TTC7B: variants seen among roughly 807,000 people sequenced by gnomAD.
TTC7B encodes tetratricopeptide repeat domain 7B.
TTC7B carries 28 observed loss-of-function variants against 106.8 expected under a neutral mutation model. The observed-to-expected ratio is 0.26, with a 90% CI of 0.19 to 0.36. The LOEUF (loss-of-function observed/expected upper bound fraction) is 0.36. Among genes scored for constraint, TTC7B ranks in the 10% least tolerant of loss-of-function variants. The probability of loss-of-function intolerance (pLI) is 1.00; values close to 1 mark genes in which losing one functional copy is unlikely to be tolerated. For missense variants in TTC7B, 862 were observed against 1,076.4 expected, an observed-to-expected ratio of 0.80 and a Z score of 2.79; for synonymous variants, 405 against 430.6, an observed-to-expected ratio of 0.94 and a Z score of 0.74.
intron 19 of TTC7B, among the ~76,000 whole-genome samples, chr14:90,558,794 G>T (rs887533233): frequency 1.4e-4 from 21 of 152,192 alleles, no homozygotes; most frequent in African/African-American, 5.1e-4. Flanking sequence ...GAAACGGGCG[G>T]CTTGCCAGAA....
intron 19 of TTC7B, among the ~76,000 whole-genome samples, chr14:90,553,063 C>T (rs1009664851): frequency 1.3e-5 from 2 of 152,160 alleles, no homozygotes; most frequent in South Asian, 2.1e-4. Context: ...GGCCAGATGC[C>T]CCCAGGGGGC....
intron 15 of TTC7B, among the ~76,000 whole-genome samples, chr14:90,621,515 G>A (rs1412850837): frequency 6.6e-6 from 1 of 152,100 alleles, no homozygotes; most frequent in Non-Finnish European, 1.5e-5. Flanking sequence ...CGTGGGTACG[G>A]CTGGGATGAT....
chr14:90,760,131 G>A (rs561256182), intron 3 of TTC7B, among the ~76,000 whole-genome samples: 1 of 152,332 alleles, frequency 6.6e-6, no homozygotes, highest in East Asian at 1.9e-4. Flanking sequence ...AAACGGGGCT[G>A]GAGAGGTCTG....
At chr14:90,771,696 C>T (rs1890868394) in intron 3 of TTC7B, among the ~76,000 whole-genome samples, 1 of 151,918 alleles carries the variant, frequency 6.6e-6, no homozygotes. Flanking sequence ...ATTGTACACA[C>T]ATACACACAC....
intron 3 of TTC7B, among the ~76,000 whole-genome samples, chr14:90,776,140 GACACACACACACACAC>G (rs370873395): frequency 5.7e-5 from 8 of 140,380 alleles, no homozygotes; most frequent in East Asian, 4.3e-4. Flanking sequence ...GGCCCCCCGT[GACACACACACACACAC>G]ACACACACAC....
At chr14:90,593,742 T>A in intron 17 of TTC7B, 116 bp from the exon 18 acceptor site, 1 of 1,075,940 alleles carries the variant, frequency 9.3e-7, no homozygotes, top group South Asian at 2.2e-5. Context: ...ATGATGTTTC[T>A]AAGATTTACT....
chr14:90,627,334 A>G (rs1185852263), intron 15 of TTC7B, among the ~76,000 whole-genome samples: 1 of 152,072 alleles, frequency 6.6e-6, no homozygotes, highest in African/African-American at 2.4e-5. Flanking sequence ...GGGTCGCAGC[A>G]CACAAGGCTG....
intron 17 of TTC7B, among the ~76,000 whole-genome samples, chr14:90,609,945 G>A (rs1197119093): frequency 1.3e-5 from 2 of 152,192 alleles, no homozygotes; most frequent in African/African-American, 4.8e-5. Flanking sequence ...GTGATGGGCT[G>A]CAGTCAAAAT....
chr14:90,601,830 G>A (rs1892436838), intron 17 of TTC7B, among the ~76,000 whole-genome samples: 1 of 152,174 alleles, frequency 6.6e-6, no homozygotes, highest in Admixed American at 6.5e-5. Context: ...AATCATAAGG[G>A]CGGTGTACAT....
chr14:90,677,948 C>A, intron 8 of TTC7B: 1 of 396,262 alleles, frequency 2.5e-6, no homozygotes, highest in South Asian at 1.9e-5. Context: ...CTAAGTTTTT[C>A]TTGTTAGGAG....
rs1415374075 is a variant in TTC7B at position 90,742,906 on chromosome 14, C to T, written c.576+1886G>A. Among the ~76,000 whole-genome samples the T allele has an allele frequency of 6.6e-6, 1 of 152,134 alleles. No homozygotes were observed. The highest frequency in any genetic ancestry group is 1.9e-4 in the East Asian group (1 of 5,188). ...CCGGGAGAAGACGGCTCCAAAGTGA[C>T]AGGGCTGGACAACAGTGGAGAGTAA... On this transcript the variant is annotated intron_variant, in intron 4 of 19. Transcript: ENST00000328459. This position sits in a 1 kb window ranked among gnomAD's most constrained non-coding sequence, Gnocchi z 4.1.
rs1054843075 is a variant in TTC7B at position 90,808,441 on chromosome 14, C to A, written c.121+7734G>T. On this transcript the variant is annotated intron_variant, in intron 1 of 19. Transcript: ENST00000328459. This position sits in a 1 kb window ranked among gnomAD's most constrained non-coding sequence, Gnocchi z 4.2. The stretch of plus-strand genomic sequence containing the variant: ...TACAAGGTGGCTTGGAGGGCAAATG[C>A]AGAAGATTCTGACTCCAGGCCTGGT... Among the ~76,000 whole-genome samples the A allele has an allele frequency of 1.3e-5, 2 of 152,198 alleles. No homozygotes were observed. Among genetic ancestry groups the A allele is most frequent in the African/African-American group, 4.8e-5 (2 of 41,452 alleles).
chr14:90,628,415 T>C (rs1884546205), intron 15 of TTC7B, among the ~76,000 whole-genome samples: 2 of 152,298 alleles, frequency 1.3e-5, no homozygotes, highest in Non-Finnish European at 2.9e-5. Flanking sequence ...CCCAAGGCCC[T>C]GATTTCTCCA....
intron 19 of TTC7B, among the ~76,000 whole-genome samples, chr14:90,543,493 C>T (rs1309015626): frequency 6.6e-6 from 1 of 152,230 alleles, no homozygotes; most frequent in African/African-American, 2.4e-5. Context: ...TCTGCATCAG[C>T]ACCACAGTTT....
At chr14:90,646,748 C>T in intron 14 of TTC7B, 1 of 573,322 alleles carries the variant, frequency 1.7e-6, no homozygotes, top group Non-Finnish European at 3.1e-6. Context: ...ATAGCAGAGC[C>T]TGGAACTCCT....
intron 4 of TTC7B, among the ~76,000 whole-genome samples, chr14:90,744,062 G>A (rs1029621540): frequency 1.1e-4 from 17 of 152,224 alleles, no homozygotes; most frequent in Non-Finnish European, 7.3e-5. Context: ...TACTCAGCTC[G>A]GTCTACTTCG....
At chr14:90,706,726 T>C (rs1246472387) in intron 5 of TTC7B, among the ~76,000 whole-genome samples, 1 of 152,182 alleles carries the variant, frequency 6.6e-6, no homozygotes, top group Non-Finnish European at 1.5e-5. Context: ...TAGGTAAAGG[T>C]GTTCCAGGCT....
intron 9 of TTC7B, among the ~76,000 whole-genome samples, chr14:90,658,657 CA>C (rs1886055828): frequency 6.6e-6 from 1 of 152,184 alleles, no homozygotes; most frequent in Non-Finnish European, 1.5e-5. Context: ...GGAAAAGAGG[CA>C]AATACACCAA....
intron 3 of TTC7B, among the ~76,000 whole-genome samples, chr14:90,746,524 T>C (rs1251658699): frequency 1.3e-5 from 2 of 152,196 alleles, no homozygotes; most frequent in Non-Finnish European, 2.9e-5. Context: ...CTTGATTTCA[T>C]TGACTTTGGT....
Sources: allele counts gnomAD v4.1 joint callset (sites outside exome capture counted in the v4.1 genomes callset), GRCh38; gene constraint gnomAD v4.1.1; non-coding constraint Gnocchi (gnomAD v3.1); transcripts MANE v1.5; gene names NCBI Gene and HGNC (gene_info 2026-07-23, HGNC 2026-07-21).